Variants in CSMD2 observed in about 807,000 individuals in gnomAD.
CSMD2 encodes CUB and sushi domain-containing protein 2.
A neutral mutation model predicts 398.5 loss-of-function variants in CSMD2; 130 were observed. The ratio of observed to expected loss-of-function variants is 0.33; its 90% CI spans 0.28 to 0.38. The LOEUF is 0.38. Ranked by LOEUF, CSMD2 falls within the 10% of genes least tolerant of loss-of-function variation. The pLI is 1.00. For missense variants in CSMD2, 3,829 were observed against 4,764.9 expected, an observed-to-expected ratio of 0.80 and a Z score of 5.78; for synonymous variants, 1,828 against 1,908.5, an observed-to-expected ratio of 0.96 and a Z score of 1.10.
intron 53 of CSMD2, among the ~76,000 whole-genome samples, chr1:33,564,090 A>C (rs1658825602): frequency 6.6e-6 from 1 of 151,490 alleles, no homozygotes; most frequent in Admixed American, 6.6e-5. Flanking sequence ...CATCATCATC[A>C]TCATCACACA....
intron 10 of CSMD2, among the ~76,000 whole-genome samples, chr1:33,800,164 G>C (rs188562972): frequency 6.6e-6 from 1 of 152,234 alleles, no homozygotes; most frequent in Non-Finnish European, 1.5e-5. Flanking sequence ...TTACAATGTT[G>C]CTGCCAGTGT....
At chr1:33,842,491 C>T (rs1209969185) in intron 6 of CSMD2, among the ~76,000 whole-genome samples, 2 of 152,080 alleles carry the variant, frequency 1.3e-5, no homozygotes, top group Admixed American at 1.3e-4. Context: ...TTTCCAGTCT[C>T]AGTGCTCGCT....
chr1:33,711,307 C>T (rs1414997421), intron 21 of CSMD2, among the ~76,000 whole-genome samples: 1 of 152,162 alleles, frequency 6.6e-6, no homozygotes, highest in Non-Finnish European at 1.5e-5. Flanking sequence ...CTACCTTTCC[C>T]CTCCATCTAG....
At chr1:33,539,247 T>A (rs968899617) in intron 60 of CSMD2, among the ~76,000 whole-genome samples, 2 of 152,198 alleles carry the variant, frequency 1.3e-5, no homozygotes, top group Non-Finnish European at 1.5e-5. Context: ...ATTATGGGCA[T>A]GAGTCACCTC....
In CSMD2 at chr1:33,636,265, G is replaced by A; in HGVS notation, c.4969+95C>T. 1 of 1,252,210 alleles carries A rather than the reference G, an allele frequency of 8.0e-7. No homozygotes were observed. The highest frequency in any genetic ancestry group is 1.1e-6 in the Non-Finnish European group (1 of 908,814). 77.6% of individuals were successfully genotyped at this position (1,252,210 alleles called of 1,614,324 possible). On this transcript the variant is annotated intron_variant, in intron 30 of 70. Coordinates refer to ENST00000373381, the MANE Select transcript of CSMD2 (RefSeq NM_001281956.2). This position sits in a 1 kb window ranked among gnomAD's most constrained non-coding sequence, Gnocchi z 4.8. Reference sequence around the variant, plus strand: ...CAGGCTTGGAGGAGCCGGGCTTGAGGACCTTGCCCCCCTCCCTTCCCCAGC... The same window carrying A: ...CAGGCTTGGAGGAGCCGGGCTTGAGAACCTTGCCCCCCTCCCTTCCCCAGC...
chr1:33,611,373 AGGCTCCTAGAACT>A, intron 40 of CSMD2, 123 bp from the exon 41 acceptor site: 1 of 818,430 alleles, frequency 1.2e-6, no homozygotes, highest in Non-Finnish European at 2.0e-6. Context: ...CACCCAGCCA[AGGCTCCTAGAACT>A]GGCTTTGGGA....
At chr1:33,641,814 G>A (rs74066665) in intron 29 of CSMD2, among the ~76,000 whole-genome samples, 2,432 of 152,318 alleles carry the variant, frequency 0.016, 67 homozygotes, top group African/African-American at 0.055. Flanking sequence ...GAACTCCATG[G>A]AGGCAGAGAC....
intron 10 of CSMD2, among the ~76,000 whole-genome samples, chr1:33,801,591 C>A (rs1655613348): frequency 6.6e-6 from 1 of 152,194 alleles, no homozygotes; most frequent in Non-Finnish European, 1.5e-5. Flanking sequence ...AAGAAATAAA[C>A]AAAGTGCTAT....
intron 3 of CSMD2, among the ~76,000 whole-genome samples, chr1:33,943,488 A>ATTGGCTGT (rs1374942709): frequency 6.6e-6 from 1 of 152,206 alleles, no homozygotes; most frequent in East Asian, 1.9e-4. Context: ...GTCATTGGCA[A>ATTGGCTGT]TTGGCTGTTA....
At chr1:33,893,105 A>G (rs766199326) in intron 5 of CSMD2, among the ~76,000 whole-genome samples, 5 of 152,240 alleles carry the variant, frequency 3.3e-5, no homozygotes, top group Non-Finnish European at 7.3e-5. Flanking sequence ...CATCCATCCA[A>G]TTCCCACATC....
intron 23 of CSMD2, among the ~76,000 whole-genome samples, chr1:33,700,282 T>C (rs376965237): frequency 7.9e-5 from 12 of 152,308 alleles, no homozygotes; most frequent in African/African-American, 2.9e-4. Context: ...GCTGGGATTA[T>C]AGGCATGAAC....
At chr1:33,909,224 T>C (rs1204044459) in intron 5 of CSMD2, among the ~76,000 whole-genome samples, 1 of 152,160 alleles carries the variant, frequency 6.6e-6, no homozygotes, top group Non-Finnish European at 1.5e-5. Context: ...TACCTCCATG[T>C]ACGAAGTTCA....
rs267598565 is a variant in CSMD2, at chr1:33,725,533, G to C, written c.2511C>G (p.Phe837Leu). 1.9e-6 allele frequency: 3 copies of C among 1,613,926 alleles called. No homozygotes were observed. The highest frequency in any genetic ancestry group is 2.5e-6 in the Non-Finnish European group (3 of 1,179,912). ...GYPIKITFDR[F>L]KTEVNYDTLE... ...GGGTGTCATAGTTGACCTCGGTTTT[G>C]AATCTGCCAAATGACAGAAATGAAG... is the stretch of plus-strand genomic sequence containing the variant. Residue 837 changes from phenylalanine to leucine, a missense_variant, in exon 17 of 71, where the codon TTC becomes TTG. Physicochemically the swap from Phe to Leu is conservative, Grantham distance 22. Around this residue, in one of 5 missense-constraint regions of CSMD2, gnomAD observed 2,001 missense variants for 2,567.1 expected, o/e 0.78. Coordinates refer to ENST00000373381, the MANE Select transcript of CSMD2 (RefSeq NM_001281956.2).
intron 10 of CSMD2, among the ~76,000 whole-genome samples, chr1:33,796,529 T>C (rs1317412986): frequency 6.6e-6 from 1 of 152,250 alleles, no homozygotes; most frequent in East Asian, 1.9e-4. Context: ...CTTATGCCTG[T>C]CTTTACTTTA....
At chr1:33,665,538 A>G (rs1383545075) in intron 25 of CSMD2, among the ~76,000 whole-genome samples, 1 of 140,546 alleles carries the variant, frequency 7.1e-6, no homozygotes, top group Non-Finnish European at 1.5e-5. Context: ...TGCAATCGTA[A>G]CTCACTACAA....
intron 5 of CSMD2, among the ~76,000 whole-genome samples, chr1:33,909,600 G>A (rs1041405922): frequency 6.6e-6 from 1 of 152,120 alleles, no homozygotes; most frequent in Admixed American, 6.5e-5. Flanking sequence ...TTGTTTGAAT[G>A]ATTGAATGAT....
chr1:34,102,636 GCCATATCCCTGTAATCCAA>G (rs1434629125), intron 1 of CSMD2, among the ~76,000 whole-genome samples: 24 of 54,284 alleles, frequency 4.4e-4, no homozygotes, highest in African/African-American at 1.5e-3. Context: ...CTGTAATCCG[GCCATATCCCTGTAATCCAA>G]CCATATCCCT....
chr1:33,525,113 C>T (rs1345756834), intron 65 of CSMD2, 70 bp from the exon 66 acceptor site: 2 of 1,504,168 alleles, frequency 1.3e-6, no homozygotes, highest in East Asian at 2.3e-5. Context: ...AGCCTGATGA[C>T]TGATCCCAGC....
intron 3 of CSMD2, among the ~76,000 whole-genome samples, chr1:34,023,329 T>A (rs1649177522): frequency 6.6e-6 from 1 of 152,220 alleles, no homozygotes; most frequent in East Asian, 1.9e-4. Context: ...TGCGAAAGTA[T>A]GCCCAGGCAG....
Sources: allele counts gnomAD v4.1 joint callset (sites outside exome capture counted in the v4.1 genomes callset), GRCh38; gene constraint gnomAD v4.1.1; regional missense constraint gnomAD v4.1.1; non-coding constraint Gnocchi (gnomAD v3.1); transcripts MANE v1.5; gene names NCBI Gene and HGNC (gene_info 2026-07-23, HGNC 2026-07-21).